The following UNC5C variants were observed in gnomAD, a reference collection of about 807,000 sequenced individuals.
UNC5C encodes unc-5 netrin receptor C.
In UNC5C, 47 loss-of-function variants were observed where a neutral mutation model predicts 99.8. That is an observed-to-expected ratio of 0.47 (90% CI 0.37 to 0.60). The LOEUF is 0.60. Among genes scored for constraint, UNC5C ranks in the 20% least tolerant of loss-of-function variants. The pLI is 0.00. For missense variants in UNC5C, 1,062 were observed against 1,165.9 expected (o/e 0.91, Z 1.30); for synonymous variants, 487 against 452.2 (o/e 1.08, Z -0.98).
intron 1 of UNC5C, among the ~76,000 whole-genome samples, chr4:95,483,885 C>T (rs1371972546): frequency 6.6e-6 from 1 of 151,802 alleles, no homozygotes; most frequent in African/African-American, 2.4e-5. Context: ...AACAAGTTAA[C>T]TACACAGAGG....
At chr4:95,263,640 T>C (rs1422751877) in intron 4 of UNC5C, among the ~76,000 whole-genome samples, 2 of 152,214 alleles carry the variant, frequency 1.3e-5, no homozygotes, top group Non-Finnish European at 2.9e-5. Flanking sequence ...AGCCTAGAGA[T>C]AGGACCCAGC....
intron 2 of UNC5C, among the ~76,000 whole-genome samples, chr4:95,304,799 A>G (rs1198650795): frequency 3.9e-5 from 6 of 152,322 alleles, no homozygotes; most frequent in African/African-American, 1.4e-4. Context: ...TGCTCAGGAT[A>G]TTACAACCAC....
chr4:95,463,281 G>A (rs1486621099), intron 1 of UNC5C, among the ~76,000 whole-genome samples: 1 of 152,194 alleles, frequency 6.6e-6, no homozygotes, highest in Non-Finnish European at 1.5e-5. Flanking sequence ...CCCTAACAGG[G>A]AGAACAAGAA....
intron 2 of UNC5C, among the ~76,000 whole-genome samples, chr4:95,328,062 A>ATTTT (rs71583698): frequency 2.3e-4 from 20 of 86,696 alleles, no homozygotes; most frequent in East Asian, 1.1e-3. Context: ...TTTTTTTTTA[A>ATTTT]TTTTTTTTTT....
rs374264563 is a variant in UNC5C at position 95,478,267 on chromosome 4, T to C, written c.124+70467A>G. On this transcript the variant is annotated intron_variant, in intron 1 of 15. Coordinates refer to ENST00000453304, the MANE Select transcript of UNC5C (RefSeq NM_003728.4). ...CCTTGCCAGTAAAGGCTGAACCTTC[T>C]GTGTGCCTCGGTTGTCTCTAAGCTC... Among the ~76,000 whole-genome samples the C allele has an allele frequency of 1.4e-3, 220 of 152,072 alleles. 1 individual carries two copies. Among genetic ancestry groups the C allele is most frequent in the African/African-American group, 5.1e-3 (213 of 41,530 alleles).
At chr4:95,258,942 T>C (rs1740116389) in intron 4 of UNC5C, among the ~76,000 whole-genome samples, 1 of 150,364 alleles carries the variant, frequency 6.7e-6, no homozygotes, top group South Asian at 2.1e-4. Context: ...TTTGTATTTT[T>C]AGTAGAGACG....
chr4:95,425,023 T>C (rs2149457967), intron 1 of UNC5C, among the ~76,000 whole-genome samples: 1 of 152,288 alleles, frequency 6.6e-6, no homozygotes, highest in South Asian at 2.1e-4. Flanking sequence ...ACATTTTTTT[T>C]CATTTCAAAA....
intron 1 of UNC5C, among the ~76,000 whole-genome samples, chr4:95,356,891 CT>C (rs1223400763): frequency 2.0e-5 from 3 of 152,070 alleles, no homozygotes; most frequent in African/African-American, 7.2e-5. Context: ...GTAAAACTGT[CT>C]CGTTTTATAT....
At chr4:95,483,165 G>T (rs1417375473) in intron 1 of UNC5C, among the ~76,000 whole-genome samples, 1 of 151,334 alleles carries the variant, frequency 6.6e-6, no homozygotes, top group African/African-American at 2.4e-5. Flanking sequence ...CACTGGCAAG[G>T]AACTCAAGTT....
intron 12 of UNC5C, among the ~76,000 whole-genome samples, chr4:95,199,954 C>G (rs1296475429): frequency 6.6e-6 from 1 of 152,182 alleles, no homozygotes; most frequent in African/African-American, 2.4e-5. Context: ...GTGTTCACAA[C>G]TTTTATTCGA....
chr4:95,545,552 T>TA (rs58156541), intron 1 of UNC5C, among the ~76,000 whole-genome samples: 2,844 of 147,632 alleles, frequency 0.019, 74 homozygotes, highest in African/African-American at 0.059. Flanking sequence ...ATATGTTATT[T>TA]AAAAAAAAAA....
At chr4:95,545,303 T>G (rs1723027644) in intron 1 of UNC5C, among the ~76,000 whole-genome samples, 1 of 152,226 alleles carries the variant, frequency 6.6e-6, no homozygotes, top group African/African-American at 2.4e-5. Context: ...TCTTTGAAGA[T>G]TTTAAGCATT....
At chr4:95,245,842 T>C (rs1040269417) in intron 5 of UNC5C, among the ~76,000 whole-genome samples, 1 of 152,234 alleles carries the variant, frequency 6.6e-6, no homozygotes, top group Non-Finnish European at 1.5e-5. Flanking sequence ...TCTGCAGACC[T>C]CTCTTTAGAA....
chr4:95,528,149 T>C (rs529696019), intron 1 of UNC5C, among the ~76,000 whole-genome samples: 9 of 152,344 alleles, frequency 5.9e-5, no homozygotes, highest in Non-Finnish European at 1.2e-4. Context: ...GAAACTTATT[T>C]GTGAAAGCTG....
intron 12 of UNC5C, among the ~76,000 whole-genome samples, chr4:95,198,375 G>C (rs1244674662): frequency 1.3e-5 from 2 of 152,148 alleles, no homozygotes; most frequent in African/African-American, 2.4e-5. Context: ...TAGTCAGAAA[G>C]GGGGAGTCTG....
At chr4:95,295,166 C>T (rs1166618023) in intron 3 of UNC5C, among the ~76,000 whole-genome samples, 1 of 152,168 alleles carries the variant, frequency 6.6e-6, no homozygotes, top group East Asian at 1.9e-4. Flanking sequence ...TTTGCCTGAA[C>T]CTTAAGCTTT....
chr4:95,371,499 T>A (rs1744748758), intron 1 of UNC5C, among the ~76,000 whole-genome samples: 1 of 151,638 alleles, frequency 6.6e-6, no homozygotes, highest in Non-Finnish European at 1.5e-5. Context: ...TGCAGCATAA[T>A]CTGATGGTTT....
At chr4:95,432,117 G>A (rs1046868187) in intron 1 of UNC5C, among the ~76,000 whole-genome samples, 3 of 152,072 alleles carry the variant, frequency 2.0e-5, no homozygotes, top group Non-Finnish European at 4.4e-5. Flanking sequence ...TGACCCTCAA[G>A]TTTGGTTCTC....
intron 2 of UNC5C, among the ~76,000 whole-genome samples, chr4:95,320,939 T>C (rs80355692): frequency 0.038 from 5,797 of 152,320 alleles, 156 homozygotes; most frequent in Non-Finnish European, 0.056. Flanking sequence ...TTCCTTTATG[T>C]TTCTTACACT....
Sources: gnomAD v4.1 joint callset for allele counts (sites outside exome capture counted in the v4.1 genomes callset) on GRCh38, gnomAD v4.1.1 for gene constraint, MANE v1.5 for transcripts, NCBI Gene and HGNC (gene_info 2026-07-23, HGNC 2026-07-21) for gene names.